Variants in MYDGF observed in about 807,000 individuals in gnomAD.
MYDGF encodes myeloid derived growth factor, also known as myeloid-derived growth factor.
In MYDGF, 29 loss-of-function variants were observed where a neutral mutation model predicts 24.2. The observed-to-expected ratio is 1.20, with a 90% CI of 0.89 to 1.63. MYDGF has a LOEUF of 1.63. Among genes scored for constraint, MYDGF ranks in the 40% most tolerant of loss-of-function variants. MYDGF has a pLI of 0.00. For synonymous variants in MYDGF, 105 were observed against 102.5 expected (o/e 1.02, Z -0.15); for missense variants, 245 against 234.8 (o/e 1.04, Z -0.29).
chr19:4,669,536 T>G (rs1460135837), intron 1 of MYDGF, among the ~76,000 whole-genome samples: 1 of 152,086 alleles, frequency 6.6e-6, no homozygotes, highest in Admixed American at 6.6e-5. Flanking sequence ...AAGAATTGCT[T>G]GAACCCAGAA....
In MYDGF at chr19:4,670,157, G is replaced by A. The variant is rs778764280; in HGVS notation, c.174+4C>T. Reference sequence around the variant, plus strand: ...CAAATATCCGGGACGGCGGTGGCACGTACCCCCGGGCCCACGTTATGGGAG... The same window carrying A: ...CAAATATCCGGGACGGCGGTGGCACATACCCCCGGGCCCACGTTATGGGAG... On this transcript the variant is annotated splice_donor_region_variant and intron_variant, in intron 1 of 5. Coordinates refer to ENST00000262947, the MANE Select transcript of MYDGF (RefSeq NM_019107.4). 1.1e-5 allele frequency: 16 copies of A among 1,516,980 alleles called. No homozygotes were observed. Among genetic ancestry groups the A allele is most frequent in the African/African-American group, 1.4e-5 (1 of 69,198 alleles). 94.0% of individuals were successfully genotyped at this position (1,516,980 alleles called of 1,614,324 possible).
chr19:4,667,121 CTTTTTTTT>C (rs57093750), intron 2 of MYDGF, among the ~76,000 whole-genome samples: 2 of 102,170 alleles, frequency 2.0e-5, no homozygotes, highest in Non-Finnish European at 3.5e-5. Context: ...TCAAATCACC[CTTTTTTTT>C]TTTTTTTTTT....
rs1568286960 is a variant in MYDGF, at chr19:4,663,461, C to CCTTCCCCACCCCAT, written c.287+1414_287+1415insATGGGGTGGGGAAG. On this transcript the variant is annotated intron_variant, in intron 3 of 5. Transcript: ENST00000262947. ...CTCATTCTACACAGCCTCCAATCTA[C>CCTTCCCCACCCCAT]CCTCCCCACCCCATCCTCATTCTAC... Among the ~76,000 whole-genome samples, 15 of 123,508 alleles carry CCTTCCCCACCCCAT rather than the reference C, an allele frequency of 1.2e-4. 1 individual carries two copies. Among genetic ancestry groups the CCTTCCCCACCCCAT allele is most frequent in the Non-Finnish European group, 2.0e-4 (12 of 59,782 alleles). The allele number at this position is 123,508 out of a possible 152,430, so 81.0% of individuals were successfully genotyped here.
chr19:4,665,067 C>T (rs1034002325), intron 2 of MYDGF, 130 bp from the exon 3 acceptor site: 6 of 981,620 alleles, frequency 6.1e-6, no homozygotes, highest in East Asian at 2.8e-5. Context: ...GCCACTAAAT[C>T]CCCTGCCCCG....
At chr19:4,663,556 C>T (rs1406861959) in intron 3 of MYDGF, among the ~76,000 whole-genome samples, 1 of 32,148 alleles carries the variant, frequency 3.1e-5, no homozygotes, top group African/African-American at 1.1e-4. Flanking sequence ...ATCCTCCCCA[C>T]CCACCCCACC....
chr19:4,658,585 A>AC (rs552702079), intron 5 of MYDGF, among the ~76,000 whole-genome samples: 99 of 151,964 alleles, frequency 6.5e-4, no homozygotes, highest in Non-Finnish European at 1.1e-3. Context: ...CTTGGCTCCC[A>AC]CCCTTGCCCC....
Position 4,664,918 on chromosome 19 carries a change from C to A in MYDGF, c.245G>T (p.Gly82Val). 2 of 1,612,926 alleles carry A rather than the reference C, an allele frequency of 1.2e-6. No individual in the cohort carries two copies. Among genetic ancestry groups the A allele is most frequent in the Non-Finnish European group, 1.7e-6 (2 of 1,179,842 alleles). Residue 82 changes from glycine to valine, a missense_variant, in exon 3 of 6, where the codon GGG (glycine) becomes GTG (valine). Gly to Val is a moderately radical substitution (Grantham distance 109). Coordinates refer to ENST00000262947, the MANE Select transcript of MYDGF (RefSeq NM_019107.4). ...GAAGTGCTGGTGGTCTTCGCTGGTCCCCAGACTCATCTGCCATTGCTGGGG... is the reference window on the plus strand; with the variant it reads ...GAAGTGCTGGTGGTCTTCGCTGGTCACCAGACTCATCTGCCATTGCTGGGG... ...GTNEQWQMSLGTSEDHQHFTC... is the reference protein window; with the variant it reads ...GTNEQWQMSLVTSEDHQHFTC...
intron 3 of MYDGF, among the ~76,000 whole-genome samples, chr19:4,663,310 A>C (rs1309994882): frequency 8.8e-6 from 1 of 113,878 alleles, no homozygotes; most frequent in Non-Finnish European, 1.7e-5. Context: ...TCCTCATTCT[A>C]CACAGCCTCC....
chr19:4,662,890 C>T (rs929853005), intron 3 of MYDGF, among the ~76,000 whole-genome samples: 10 of 152,088 alleles, frequency 6.6e-5, no homozygotes, highest in South Asian at 6.2e-4. Flanking sequence ...GCACCAGCTC[C>T]GCCAGTTCCA....
At chr19:4,661,008 C>T (rs1416671374) in intron 3 of MYDGF, among the ~76,000 whole-genome samples, 1 of 148,970 alleles carries the variant, frequency 6.7e-6, no homozygotes, top group Non-Finnish European at 1.5e-5. Context: ...CACTCTGTTG[C>T]CCAGGCTGGA....
At chr19:4,659,889 T>G in intron 5 of MYDGF, 42 bp downstream of exon 5, 6 of 1,573,848 alleles carry the variant, frequency 3.8e-6, no homozygotes, top group Non-Finnish European at 5.2e-6. Context: ...CACCCTTGGA[T>G]GGGGGTGGCG....
chr19:4,665,544 G>A (rs1045790394), intron 2 of MYDGF, among the ~76,000 whole-genome samples: 4 of 152,122 alleles, frequency 2.6e-5, no homozygotes, highest in East Asian at 1.9e-4. Flanking sequence ...TGTCCAGGCC[G>A]GGCGCGGTGG....
chr19:4,669,607 A>G (rs1310404702), intron 1 of MYDGF, among the ~76,000 whole-genome samples: 2 of 152,190 alleles, frequency 1.3e-5, no homozygotes, highest in Non-Finnish European at 2.9e-5. Context: ...AGAAATAGTC[A>G]AAAAACAGTA....
intron 2 of MYDGF, 52 bp downstream of exon 2, chr19:4,668,543 T>C (rs1167747532): frequency 1.3e-6 from 2 of 1,521,944 alleles, no homozygotes; most frequent in Non-Finnish European, 1.8e-6. Context: ...AACATCTCCC[T>C]ACAACAATGG....
chr19:4,665,935 A>G (rs542907446), intron 2 of MYDGF, among the ~76,000 whole-genome samples: 15 of 152,030 alleles, frequency 9.9e-5, no homozygotes, highest in African/African-American at 3.4e-4. Flanking sequence ...CAGAAGGGCA[A>G]AAGCCCTCCT....
At chr19:4,669,294 T>C (rs181692129) in intron 1 of MYDGF, among the ~76,000 whole-genome samples, 1 of 152,216 alleles carries the variant, frequency 6.6e-6, no homozygotes, top group East Asian at 1.9e-4. Context: ...GCTAACATGG[T>C]GAAATCCCAT....
chr19:4,668,116 T>A (rs977035646), intron 2 of MYDGF, among the ~76,000 whole-genome samples: 1 of 151,840 alleles, frequency 6.6e-6, no homozygotes, highest in Admixed American at 6.6e-5. Context: ...TTAGTAGAGA[T>A]GAGGTTTTGC....
At chr19:4,661,123 C>T (rs914779718) in intron 3 of MYDGF, among the ~76,000 whole-genome samples, 1 of 152,048 alleles carries the variant, frequency 6.6e-6, no homozygotes, top group Admixed American at 6.6e-5. Flanking sequence ...CCCGCGACCA[C>T]ATCTGACTAA....
At chr19:4,664,966 C>T (rs778376398) in intron 2 of MYDGF, 29 bp from the exon 3 acceptor site, 19 of 1,608,388 alleles carry the variant, frequency 1.2e-5, no homozygotes, top group Admixed American at 3.3e-5. Context: ...GCGGGTCAGC[C>T]CCGGACACAC....
Sources: allele counts gnomAD v4.1 joint callset (sites outside exome capture counted in the v4.1 genomes callset), GRCh38; gene constraint gnomAD v4.1.1; transcripts MANE v1.5; gene names NCBI Gene and HGNC (gene_info 2026-07-23, HGNC 2026-07-21).